Variants in CCDC180 observed in about 807,000 individuals in gnomAD.
CCDC180 encodes coiled-coil domain-containing protein 180.
Under a neutral mutation model 209.2 loss-of-function variants are expected in CCDC180, and 154 were observed. That is an observed-to-expected ratio of 0.74 (90% CI 0.65 to 0.84). CCDC180 has a LOEUF of 0.84. Ranked by LOEUF, CCDC180 falls within the 40% of genes least tolerant of loss-of-function variation. CCDC180 has a pLI of 0.00. For missense variants in CCDC180, 1,874 were observed against 1,997.3 expected, an observed-to-expected ratio of 0.94 and a Z score of 1.18; for synonymous variants, 778 against 749.1, an observed-to-expected ratio of 1.04 and a Z score of -0.63.
chr9:97,314,549 C>T, intron 6 of CCDC180, 28 bp downstream of exon 6: 6 of 1,613,754 alleles, frequency 3.7e-6, no homozygotes, highest in Non-Finnish European at 5.1e-6. Context: ...GCTGGGCCTG[C>T]CCCACCCAGG....
rs910123999 is a variant in CCDC180 at position 97,377,736 on chromosome 9, AGAGT to A, written c.*846_*849del. ...GTGGCCTTTGTGCACTGAAGCCAGG[AGAGT>A]GAGGAGTCCCCTTCCATCAAGGCAA... On this transcript the variant is annotated 3_prime_UTR_variant, in exon 37 of 37. Coordinates refer to ENST00000529487, the MANE Select transcript of CCDC180 (RefSeq NM_020893.6). The A allele has an allele frequency of 3.1e-4, 47 of 152,330 alleles. No homozygotes were observed. Among genetic ancestry groups the A allele is most frequent in the African/African-American group, 1.1e-3 (45 of 41,548 alleles). The allele number at this position is 152,330 out of a possible 1,614,324, so 9.4% of individuals were successfully genotyped here.
Position 97,371,588 on chromosome 9 carries a change from T to C in CCDC180, c.4489-7T>C, listed in dbSNP as rs1827101590. ...TAGCAGCACTGTGCTCACCATGTTT[T>C]TTCCAGGAATGTACCAGAAGGAATG... is the stretch of plus-strand genomic sequence containing the variant. On this transcript the variant is annotated splice_region_variant and splice_polypyrimidine_tract_variant and intron_variant, in intron 33 of 36. Coordinates refer to ENST00000529487, the MANE Select transcript of CCDC180 (RefSeq NM_020893.6). 6.3e-7 allele frequency: 1 copy of C among 1,584,392 alleles called. No individual in the cohort carries two copies. Among genetic ancestry groups the C allele is most frequent in the Non-Finnish European group, 8.7e-7 (1 of 1,155,456 alleles).
At position 97,323,923 on chromosome 9, in the gene CCDC180, C is replaced by G; in HGVS notation, c.1371+20C>G. ...TTGGACGTGCGTGCTGGGGACTGTT[C>G]CACTGGGGAGCTGAGGTGGGGTTGG... On this transcript the variant is annotated intron_variant, in intron 13 of 36. Transcript: ENST00000529487. 6.4e-7 allele frequency: 1 copy of G among 1,550,814 alleles called. No homozygotes were observed. Among genetic ancestry groups the G allele is most frequent in the Non-Finnish European group, 8.7e-7 (1 of 1,146,912 alleles).
chr9:97,326,820 T>C (rs1291325198), intron 15 of CCDC180, 151 bp downstream of exon 15: 3 of 574,608 alleles, frequency 5.2e-6, no homozygotes, highest in Non-Finnish European at 9.3e-6. Context: ...TCTGCAGCTC[T>C]ACTCTCAGCC....
intron 22 of CCDC180, among the ~76,000 whole-genome samples, chr9:97,352,960 T>C (rs1021345337): frequency 1.1e-4 from 17 of 149,452 alleles, no homozygotes; most frequent in South Asian, 6.3e-4. Context: ...TATATATATA[T>C]ACACACACAC....
At position 97,327,972 on chromosome 9, in the gene CCDC180, G is replaced by A. The variant is rs186793776; in HGVS notation, c.1662-48G>A. On this transcript the variant is annotated intron_variant, in intron 15 of 36. Transcript: ENST00000529487. The stretch of plus-strand genomic sequence containing the variant: ...TGCAGCCCATCTCCTTGGGGTCAGG[G>A]GTGTGGTTCCTAGCTGGGGTCTCCT... 4.8e-5 allele frequency: 76 copies of A among 1,586,512 alleles called. No homozygotes were observed. In the African/African-American group the frequency reaches 9.4e-4, roughly 20 times the overall value.
Position 97,313,221 on chromosome 9 carries a change from G to C in CCDC180, c.350-15G>C. ...CTCTGAAGGCAGCCTCATCACCTCTGTTGTTGCTCCGCAGTTCCTGAGAAG... is the reference window on the plus strand; with the variant it reads ...CTCTGAAGGCAGCCTCATCACCTCTCTTGTTGCTCCGCAGTTCCTGAGAAG... On this transcript the variant is annotated splice_polypyrimidine_tract_variant and intron_variant, in intron 4 of 36. Coordinates refer to ENST00000529487, the MANE Select transcript of CCDC180 (RefSeq NM_020893.6). 1.3e-6 allele frequency: 2 copies of C among 1,579,650 alleles called. No homozygotes were observed. Among genetic ancestry groups the C allele is most frequent in the Admixed American group, 1.7e-5 (1 of 59,652 alleles).
chr9:97,311,810 C>G (rs75983634), intron 3 of CCDC180, among the ~76,000 whole-genome samples: 148 of 152,312 alleles, frequency 9.7e-4, no homozygotes, highest in Middle Eastern at 3.4e-3. Flanking sequence ...CTCAGTTTCC[C>G]CAGGTGGGAA....
intron 18 of CCDC180, among the ~76,000 whole-genome samples, chr9:97,333,503 GTTTT>G (rs373215367): frequency 1.4e-5 from 1 of 72,850 alleles, no homozygotes; most frequent in Non-Finnish European, 2.6e-5. Flanking sequence ...CTGGGTTTGG[GTTTT>G]TTTTTTTTTT....
rs369743088 is a variant in CCDC180, at chr9:97,325,211, G to A, written c.1545+19G>A. The A allele has an allele frequency of 6.4e-7, 1 of 1,569,460 alleles. No individual in the cohort carries two copies. The highest frequency in any genetic ancestry group is 8.6e-7 in the Non-Finnish European group (1 of 1,156,430). On this transcript the variant is annotated intron_variant, in intron 14 of 36. Transcript: ENST00000529487. ...GAGCCAGGTGAGACCCACACCCGGG[G>A]CTCCATGTTTCACACCACAAACAGC...
intron 25 of CCDC180, among the ~76,000 whole-genome samples, chr9:97,359,362 T>C (rs1241920501): frequency 6.6e-6 from 1 of 152,168 alleles, no homozygotes; most frequent in East Asian, 1.9e-4. Flanking sequence ...GTGAGGATCA[T>C]GTGAGCATGG....
chr9:97,369,226 G>T lies in CCDC180; in HGVS notation c.4190-696G>T, dbSNP rs1052148945. On this transcript the variant is annotated intron_variant, in intron 31 of 36. Transcript: ENST00000529487. ...AAATATGGGAGAGAGGTAAAGGGAT[G>T]TGAATGAAAGAGCAGGTCTAACATA... The T allele has an allele frequency of 3.9e-5, 6 of 152,176 alleles. No individual in the cohort carries two copies. The East Asian group carries it at 1.2e-3, about 29-fold the overall frequency. 9.4% of individuals were successfully genotyped at this position (152,176 alleles called of 1,614,324 possible). A position where few individuals can be genotyped will look rare whatever the true frequency, so the allele number is the denominator to read the frequency against.
intron 20 of CCDC180, among the ~76,000 whole-genome samples, chr9:97,348,126 G>T (rs1378121311): frequency 6.7e-6 from 1 of 148,326 alleles, no homozygotes; most frequent in African/African-American, 2.4e-5. Flanking sequence ...GGGCGGGGGG[G>T]GGGCATGTTT....
chr9:97,368,073 G>A (rs1023780128), intron 31 of CCDC180, among the ~76,000 whole-genome samples: 2 of 152,156 alleles, frequency 1.3e-5, no homozygotes, highest in African/African-American at 4.8e-5. Flanking sequence ...CCCCTCTCTG[G>A]TAAACTCACA....
chr9:97,317,020 G>T, intron 8 of CCDC180, 45 bp from the exon 9 acceptor site: 1 of 1,549,186 alleles, frequency 6.5e-7, no homozygotes, highest in South Asian at 1.2e-5. Context: ...CCTGACCCGA[G>T]AGAGACCCTG....
chr9:97,354,640 C>A lies in CCDC180; in HGVS notation c.3074C>A (p.Ala1025Asp). 1 of 1,614,220 alleles carries A rather than the reference C, an allele frequency of 6.2e-7. No homozygotes were observed. The change falls in exon 23 of 37, where the codon GCT (alanine) becomes GAT (aspartate). Residue 1025 changes from alanine (A) to aspartate (D), a missense_variant. By Grantham distance (126) the Ala-to-Asp change is moderately radical. Transcript: ENST00000529487. ...NSLCSRLEKEAARIELVESVI... is the reference protein window; with the variant it reads ...NSLCSRLEKEDARIELVESVI... ...CTGTGTTCCCGACTGGAGAAGGAAG[C>A]TGCCCGGATAGAGTTGGTTGAAAGT...
At position 97,347,464 on chromosome 9, in the gene CCDC180, A is replaced by T. The variant is rs1429062579; in HGVS notation, c.2649A>T (p.Glu883Asp). The change falls in exon 20 of 37, where the codon GAA (glutamate) becomes GAT (aspartate). Residue 883 changes from glutamate to aspartate, a missense_variant. Glu to Asp is a conservative substitution (Grantham distance 45). Coordinates refer to ENST00000529487, the MANE Select transcript of CCDC180 (RefSeq NM_020893.6). ...ACCAGCCAAGAGCCCAGCAGATTGAAAAAGACATCCACAACGTCAGGGCAG... is the reference window on the plus strand; with the variant it reads ...ACCAGCCAAGAGCCCAGCAGATTGATAAAGACATCCACAACGTCAGGGCAG... ...HLHQPRAQQI[E>D]KDIHNVRAAE... The T allele has an allele frequency of 5.2e-6, 8 of 1,536,166 alleles. No individual in the cohort carries two copies. Among genetic ancestry groups the T allele is most frequent in the Non-Finnish European group, 7.0e-6 (8 of 1,146,902 alleles).
chr9:97,316,652 G>C (rs1337204314), intron 8 of CCDC180, among the ~76,000 whole-genome samples: 1 of 152,164 alleles, frequency 6.6e-6, no homozygotes. Context: ...TTTGCCATTG[G>C]GTCTCGGTTC....
At chr9:97,313,496 G>C (rs1833059367) in intron 5 of CCDC180, 151 bp downstream of exon 5, 2 of 560,146 alleles carry the variant, frequency 3.6e-6, no homozygotes, top group Non-Finnish European at 6.5e-6. Flanking sequence ...CTGAGTGCCT[G>C]AGTGGCTTGT....
Sources: gnomAD v4.1 joint callset for allele counts (sites outside exome capture counted in the v4.1 genomes callset) on GRCh38, gnomAD v4.1.1 for gene constraint, MANE v1.5 for transcripts, NCBI Gene and HGNC (gene_info 2026-07-23, HGNC 2026-07-21) for gene names.